EML1: variants seen among roughly 807,000 people sequenced by gnomAD.
The protein encoded by EML1 is echinoderm microtubule-associated protein-like 1.
EML1 carries 27 observed loss-of-function variants against 110.4 expected under a neutral mutation model. The observed-to-expected ratio is 0.24, with a 90% CI of 0.18 to 0.34. EML1 has a LOEUF of 0.34. EML1 is among the 10% of genes least tolerant of loss of function. EML1 has a pLI of 1.00. For missense variants in EML1, 741 were observed against 1,030.9 expected (o/e 0.72, Z 3.85); for synonymous variants, 344 against 385.8 (o/e 0.89, Z 1.27).
upstream of EML1, among the ~76,000 whole-genome samples, chr14:99,788,793 G>A (rs2057627916): frequency 6.6e-6 from 1 of 152,160 alleles, no homozygotes; most frequent in Non-Finnish European, 1.5e-5. Flanking sequence ...GGGAAACTTT[G>A]CGCCCATTAA....
intron 1 of EML1, among the ~76,000 whole-genome samples, chr14:99,801,538 C>T (rs948642107): frequency 5.9e-5 from 9 of 152,094 alleles, no homozygotes. Context: ...TGGCGTGAAC[C>T]CGGGAGGCAG....
intron 1 of EML1, among the ~76,000 whole-genome samples, chr14:99,776,306 C>T (rs1297771487): frequency 3.3e-5 from 5 of 152,068 alleles, no homozygotes; most frequent in African/African-American, 7.2e-5. Flanking sequence ...AGCTCGAGAC[C>T]AGCCTGGCCA....
chr14:99,901,410 G>A (rs1339498777), intron 9 of EML1, among the ~76,000 whole-genome samples: 3 of 152,176 alleles, frequency 2.0e-5, no homozygotes, highest in East Asian at 1.9e-4. Flanking sequence ...AAGGGGTCCC[G>A]ATCCAGACCC....
At chr14:99,918,718 G>T (rs1401039213) in intron 16 of EML1, among the ~76,000 whole-genome samples, 1 of 152,074 alleles carries the variant, frequency 6.6e-6, no homozygotes, top group African/African-American at 2.4e-5. Flanking sequence ...AGGAGGCTAA[G>T]GCAGGGGGAT....
intron 2 of EML1, among the ~76,000 whole-genome samples, chr14:99,851,464 C>T (rs952439570): frequency 2.0e-5 from 3 of 152,162 alleles, no homozygotes; most frequent in African/African-American, 2.4e-5. Context: ...CCCGCCACCA[C>T]GCCCGGCTTA....
At chr14:99,858,583 C>T (rs2058946604) in intron 2 of EML1, among the ~76,000 whole-genome samples, 1 of 152,198 alleles carries the variant, frequency 6.6e-6, no homozygotes, top group Non-Finnish European at 1.5e-5. Flanking sequence ...GCAAATTGTG[C>T]TGCAGTGATT....
chr14:99,791,937 G>A (rs1241732032), upstream of EML1, among the ~76,000 whole-genome samples: 2 of 152,138 alleles, frequency 1.3e-5, no homozygotes, highest in African/African-American at 2.4e-5. Flanking sequence ...GCAGTGTCCT[G>A]CCCACTGTCC....
intron 1 of EML1, among the ~76,000 whole-genome samples, chr14:99,778,309 T>C (rs961769663): frequency 1.3e-5 from 2 of 152,262 alleles, no homozygotes; most frequent in African/African-American, 4.8e-5. Context: ...ATTGTATGAT[T>C]GAATTTCCTT....
chr14:99,751,201 T>TGGACAAGCAGAC (rs1393361526), intron 1 of EML1, among the ~76,000 whole-genome samples: 2 of 151,756 alleles, frequency 1.3e-5, no homozygotes, highest in Non-Finnish European at 2.9e-5. Flanking sequence ...TCACAGCAGA[T>TGGACAAGCAGAC]GGACAAGCAG....
At position 99,810,559 on chromosome 14, in the gene EML1, C is replaced by A. The variant is rs1441671535; in HGVS notation, c.67+17016C>A. 2.0e-5 allele frequency among the ~76,000 whole-genome samples: 3 copies of A among 152,308 alleles called. No individual in the cohort carries two copies. In the East Asian group the frequency reaches 5.8e-4, roughly 29 times the overall value. On this transcript the variant is annotated intron_variant, in intron 1 of 21. Coordinates refer to ENST00000262233, the MANE Select transcript of EML1 (RefSeq NM_004434.3). Reference sequence around the variant, plus strand: ...GTGGCTTTTCCTGTTCTGCGGCTTTCATAGGCCCTCTGCATTATTTGTTAA... The same window carrying A: ...GTGGCTTTTCCTGTTCTGCGGCTTTAATAGGCCCTCTGCATTATTTGTTAA...
chr14:99,926,238 G>A (rs752751289), intron 17 of EML1, among the ~76,000 whole-genome samples: 22 of 151,920 alleles, frequency 1.4e-4, no homozygotes, highest in Non-Finnish European at 2.9e-4. Context: ...CTTCTCATTT[G>A]GCCACAGCTA....
intron 17 of EML1, among the ~76,000 whole-genome samples, chr14:99,930,958 G>A (rs2060356094): frequency 6.6e-6 from 1 of 152,156 alleles, no homozygotes; most frequent in Non-Finnish European, 1.5e-5. Context: ...TTGTTTGAAA[G>A]GTGGGGCTTT....
chr14:99,817,136 A>G (rs939246366), intron 1 of EML1, among the ~76,000 whole-genome samples: 2 of 152,174 alleles, frequency 1.3e-5, no homozygotes, highest in Admixed American at 1.3e-4. Flanking sequence ...CCTTGGCAGC[A>G]AATGCTGTTG....
In EML1 at chr14:99,869,123, C is replaced by T. The variant is rs147051756; in HGVS notation, c.383+3477C>T. 1.4e-3 allele frequency among the ~76,000 whole-genome samples: 209 copies of T among 152,230 alleles called. 2 individuals are homozygous for T. The highest frequency in any genetic ancestry group is 0.013 in the East Asian group (69 of 5,192). On this transcript the variant is annotated intron_variant, in intron 3 of 21. Coordinates refer to ENST00000262233, the MANE Select transcript of EML1 (RefSeq NM_004434.3). Reference sequence around the variant, plus strand: ...TTTTATTGTAGCAAATACATGCATGCCTCATTTTATTGTGTCTGGCTTTAT... The same window carrying T: ...TTTTATTGTAGCAAATACATGCATGTCTCATTTTATTGTGTCTGGCTTTAT...
At chr14:99,920,695 T>G in intron 16 of EML1, 94 bp from the exon 17 acceptor site, 2 of 1,002,820 alleles carry the variant, frequency 2.0e-6, no homozygotes, top group South Asian at 3.6e-5. Flanking sequence ...TTTATTAAGC[T>G]TTTATGATTA....
At chr14:99,857,642 C>A (rs1405746732) in intron 2 of EML1, among the ~76,000 whole-genome samples, 1 of 152,178 alleles carries the variant, frequency 6.6e-6, no homozygotes, top group African/African-American at 2.4e-5. Flanking sequence ...AGATTTGCCA[C>A]CTTGGATGTT....
chr14:99,941,759 G>A lies in EML1; in HGVS notation c.*1647G>A, dbSNP rs1343199449. 1 of 152,130 alleles carries A rather than the reference G, an allele frequency of 6.6e-6. No homozygotes were observed. Among genetic ancestry groups the A allele is most frequent in the Non-Finnish European group, 1.5e-5 (1 of 68,034 alleles). 9.4% of individuals were successfully genotyped at this position (152,130 alleles called of 1,614,324 possible). A position where few individuals can be genotyped will look rare whatever the true frequency, so the allele number is the denominator to read the frequency against. On this transcript the variant is annotated 3_prime_UTR_variant, in exon 22 of 22. Coordinates refer to ENST00000262233, the MANE Select transcript of EML1 (RefSeq NM_004434.3). Reference sequence around the variant, plus strand: ...TTTGGCCTAATTACCATACTCAATTGTCAGTTTACGTGGTTTTGTGAATAC... The same window carrying A: ...TTTGGCCTAATTACCATACTCAATTATCAGTTTACGTGGTTTTGTGAATAC...
At position 99,748,001 on chromosome 14, in the gene EML1, G is replaced by A. The variant is rs537845204; in HGVS notation, c.28+10141G>A. Among the ~76,000 whole-genome samples, 5 of 152,314 alleles carry A rather than the reference G, an allele frequency of 3.3e-5. No individual in the cohort carries two copies. The South Asian group carries it at 1.0e-3, about 32-fold the overall frequency. ...GAGGTGCCCTAAAGAGGTTCCCTTA[G>A]GGCCGACAGCTGTGACATCCATGAG... On this transcript the variant is annotated intron_variant, in intron 1 of 10. Transcript: ENST00000554479.
intron 17 of EML1, among the ~76,000 whole-genome samples, chr14:99,931,449 G>C (rs886414174): frequency 9.9e-5 from 15 of 152,198 alleles, no homozygotes; most frequent in Admixed American, 9.8e-4. Context: ...CCTCCAGCCT[G>C]GTGAAGAGTG....
Sources: gnomAD v4.1 joint callset for allele counts (sites outside exome capture counted in the v4.1 genomes callset) on GRCh38, gnomAD v4.1.1 for gene constraint, MANE v1.5 for transcripts, NCBI Gene and HGNC (gene_info 2026-07-23, HGNC 2026-07-21) for gene names.